The following TRDN variants were observed in gnomAD, a reference collection of about 807,000 sequenced individuals.
TRDN encodes triadin in skeletal muscle.
Under a neutral mutation model 149.7 loss-of-function variants are expected in TRDN, and 161 were observed. That is an observed-to-expected ratio of 1.08 (90% CI 0.95 to 1.23). The LOEUF is 1.23. Ranked by LOEUF, TRDN falls within the 50% of genes most tolerant of loss-of-function variation. TRDN has a pLI of 0.00. For synonymous variants in TRDN, 294 were observed against 250.5 expected, an observed-to-expected ratio of 1.17 and a Z score of -1.64; for missense variants, 896 against 823.5, an observed-to-expected ratio of 1.09 and a Z score of -1.08.
chr6:123,350,470 T>A (rs1161780915), intron 21 of TRDN: 2 of 547,780 alleles, frequency 3.7e-6, no homozygotes, highest in Non-Finnish European at 4.6e-6. Flanking sequence ...TTTCAATGAA[T>A]TATAAACTAA....
At chr6:123,595,755 A>G (rs578251696) in intron 1 of TRDN, among the ~76,000 whole-genome samples, 3 of 152,138 alleles carry the variant, frequency 2.0e-5, no homozygotes, top group Admixed American at 6.6e-5. Context: ...ATTTGTTTGC[A>G]CCCATTAATT....
chr6:123,481,340 A>G (rs2114770164), intron 9 of TRDN, among the ~76,000 whole-genome samples: 1 of 151,812 alleles, frequency 6.6e-6, no homozygotes, highest in South Asian at 2.1e-4. Flanking sequence ...TGTGTATGTC[A>G]TATTTAAATT....
At chr6:123,281,740 G>A (rs1257805165) in intron 24 of TRDN, among the ~76,000 whole-genome samples, 1 of 152,004 alleles carries the variant, frequency 6.6e-6, no homozygotes, top group Non-Finnish European at 1.5e-5. Flanking sequence ...GATAAACACA[G>A]GACACCTGCC....
chr6:123,381,279 C>T (rs1201919873), intron 16 of TRDN, 91 bp downstream of exon 16: 36 of 1,204,724 alleles, frequency 3.0e-5, no homozygotes, highest in South Asian at 1.3e-4. Flanking sequence ...ATAGGAAAAG[C>T]GGATTCAAAA....
In TRDN at chr6:123,352,582, T is replaced by C. The variant is rs1780507422; in HGVS notation, c.1326A>G (p.Val442=). 6.2e-7 allele frequency: 1 copy of C among 1,610,606 alleles called. No homozygotes were observed. Residue 442 remains valine, a synonymous_variant, in exon 21 of 41, where the codon GTA becomes GTG. Coordinates refer to ENST00000334268, the MANE Select transcript of TRDN (RefSeq NM_006073.4). ...TTGTTTTCTCTTCCTTCTTTCCAGG[T>C]ACAGCTGCAAAACAAAGATAAGGTT... ...EIGAVSIKKA[V]PGKKEEKTTK...
At chr6:123,262,493 A>T (rs981721239) in intron 33 of TRDN, among the ~76,000 whole-genome samples, 9 of 152,076 alleles carry the variant, frequency 5.9e-5, no homozygotes, top group Non-Finnish European at 1.2e-4. Flanking sequence ...GCATTCCCTC[A>T]TACATCCTGG....
At chr6:123,486,295 T>C (rs1777966831) in intron 9 of TRDN, among the ~76,000 whole-genome samples, 1 of 151,828 alleles carries the variant, frequency 6.6e-6, no homozygotes, top group Non-Finnish European at 1.5e-5. Context: ...AGATTGATGA[T>C]AGGCTTATCG....
Position 123,438,028 on chromosome 6 carries a change from G to T in TRDN, c.1051+35C>A, listed in dbSNP as rs376245943. On this transcript the variant is annotated intron_variant, in intron 12 of 40. Coordinates refer to ENST00000334268, the MANE Select transcript of TRDN (RefSeq NM_006073.4). ...CTTTCATGAAGCAAACATCCTGAAC[G>T]TAATCCATCTAAGGAAACAAAGAAA... The T allele has an allele frequency of 2.6e-6, 4 of 1,542,800 alleles. No individual in the cohort carries two copies. In the East Asian group the frequency reaches 6.8e-5, roughly 26 times the overall value.
chr6:123,473,648 T>G (rs1777305867), intron 9 of TRDN, among the ~76,000 whole-genome samples: 1 of 151,068 alleles, frequency 6.6e-6, no homozygotes, highest in Admixed American at 6.6e-5. Context: ...ATTGTCAGAT[T>G]CACCAAAGTT....
At chr6:123,479,807 T>C (rs1777663510) in intron 9 of TRDN, among the ~76,000 whole-genome samples, 1 of 152,286 alleles carries the variant, frequency 6.6e-6, no homozygotes, top group Middle Eastern at 3.4e-3. Flanking sequence ...CCATATTATG[T>C]TTCAGAATTC....
chr6:123,612,965 A>G (rs532498118), intron 1 of TRDN, among the ~76,000 whole-genome samples: 2 of 152,268 alleles, frequency 1.3e-5, no homozygotes, highest in South Asian at 2.1e-4. Flanking sequence ...CTATTTTTCT[A>G]TAATTCCACC....
intron 9 of TRDN, among the ~76,000 whole-genome samples, chr6:123,477,759 G>A (rs1275913239): frequency 6.6e-6 from 1 of 152,020 alleles, no homozygotes; most frequent in African/African-American, 2.4e-5. Flanking sequence ...GTCCTTTGTA[G>A]GGACATGGAT....
At chr6:123,508,996 A>G (rs181781371) in intron 7 of TRDN, among the ~76,000 whole-genome samples, 6 of 152,170 alleles carry the variant, frequency 3.9e-5, no homozygotes, top group Non-Finnish European at 7.4e-5. Context: ...CATATAAAAT[A>G]AAAATAAAAA....
At position 123,429,195 on chromosome 6, in the gene TRDN, C is replaced by G. The variant is rs552220291; in HGVS notation, c.1051+8868G>C. 6 of 152,330 alleles carry G rather than the reference C, an allele frequency of 3.9e-5. No individual in the cohort carries two copies. The East Asian group carries it at 1.2e-3, about 29-fold the overall frequency. 9.4% of individuals were successfully genotyped at this position (152,330 alleles called of 1,614,324 possible). A position where few individuals can be genotyped will look rare whatever the true frequency, so the allele number is the denominator to read the frequency against. On this transcript the variant is annotated intron_variant, in intron 12 of 40. Transcript: ENST00000334268. The stretch of plus-strand genomic sequence containing the variant: ...GAAGCTTTATTTGGTGACTTTCATA[C>G]TGACTTCACTCTACTTACTGGTGAT...
At chr6:123,380,154 CA>C (rs1310895876) in intron 16 of TRDN, among the ~76,000 whole-genome samples, 1 of 152,124 alleles carries the variant, frequency 6.6e-6, no homozygotes, top group Non-Finnish European at 1.5e-5. Context: ...CTGCCCGAGT[CA>C]CAATCTGAGG....
rs973109305 is a variant in TRDN, at chr6:123,377,932, G to A, written c.1187-34C>T. On this transcript the variant is annotated intron_variant, in intron 16 of 40. Transcript: ENST00000334268. ...TATTATTATTGTTATTATTATTATC[G>A]TTATTATTCTAAAGTTTATGAATCC... 8.1e-5 allele frequency: 111 copies of A among 1,368,080 alleles called. 1 individual carries two copies. Among genetic ancestry groups the A allele is most frequent in the East Asian group, 1.0e-4 (4 of 39,854 alleles). The allele number at this position is 1,368,080 out of a possible 1,614,324, so 84.7% of individuals were successfully genotyped here. A position where few individuals can be genotyped will look rare whatever the true frequency, so the allele number is the denominator to read the frequency against.
At chr6:123,516,661 A>G (rs1000822530) in intron 5 of TRDN, among the ~76,000 whole-genome samples, 1 of 152,128 alleles carries the variant, frequency 6.6e-6, no homozygotes, top group Non-Finnish European at 1.5e-5. Flanking sequence ...AACATTCTAC[A>G]CTAAATGTTT....
At chr6:123,299,520 T>C (rs1188866254) in intron 24 of TRDN, among the ~76,000 whole-genome samples, 1 of 152,018 alleles carries the variant, frequency 6.6e-6, no homozygotes, top group Non-Finnish European at 1.5e-5. Context: ...TTTTGGGTTA[T>C]TGAGTGTCAA....
intron 32 of TRDN, among the ~76,000 whole-genome samples, chr6:123,265,710 A>C (rs916959330): frequency 1.4e-5 from 2 of 147,648 alleles, no homozygotes; most frequent in Non-Finnish European, 3.0e-5. Flanking sequence ...ATATTAATTT[A>C]TACTAATAAT....
Sources: gnomAD v4.1 joint callset for allele counts (sites outside exome capture counted in the v4.1 genomes callset) on GRCh38, gnomAD v4.1.1 for gene constraint, MANE v1.5 for transcripts, NCBI Gene and HGNC (gene_info 2026-07-23, HGNC 2026-07-21) for gene names.